SCNN1D: variants seen among roughly 807,000 people sequenced by gnomAD.
SCNN1D encodes sodium channel epithelial 1 subunit delta, also known as epithelial sodium channel subunit delta.
Under a neutral mutation model 87.8 loss-of-function variants are expected in SCNN1D, and 104 were observed. The ratio of observed to expected loss-of-function variants is 1.18; its 90% CI spans 1.01 to 1.39. SCNN1D has a LOEUF of 1.39. Ranked by LOEUF, SCNN1D falls within the 40% of genes most tolerant of loss-of-function variation. The pLI is 0.00. For synonymous variants in SCNN1D, 628 were observed against 481.2 expected (o/e 1.31, Z -3.99); for missense variants, 1,324 against 1,093.9 (o/e 1.21, Z -2.97).
chr1:1,285,134 C>T (rs1000953323), intron 5 of SCNN1D, among the ~76,000 whole-genome samples: 19 of 152,198 alleles, frequency 1.2e-4, no homozygotes, highest in Non-Finnish European at 1.6e-4. Flanking sequence ...GGCCCACACA[C>T]CCGAGGGGAG....
intron 15 of SCNN1D, 46 bp downstream of exon 15, chr1:1,290,740 A>C (rs1570614338): frequency 6.2e-7 from 1 of 1,606,906 alleles, no homozygotes. Context: ...AGCCAGGCAG[A>C]CCCCACAGGT....
At chr1:1,288,446 T>C (rs867793976) in intron 12 of SCNN1D, among the ~76,000 whole-genome samples, 18 of 50,000 alleles carry the variant, frequency 3.6e-4, no homozygotes, top group South Asian at 8.6e-4. Context: ...GTCCCGTGTC[T>C]CTGCTCCGTC....
At position 1,290,581 on chromosome 1, in the gene SCNN1D, G is replaced by A. The variant is rs1425502603; in HGVS notation, c.1859+26G>A. On this transcript the variant is annotated intron_variant, in intron 14 of 17. Coordinates refer to ENST00000379116, the MANE Select transcript of SCNN1D (RefSeq NM_001130413.4). ...GTGAGACGGGGGTGTTGGGGTCGCGGCCAGGGATCATTGCCCCAGGTAGCG... is the reference window on the plus strand; with the variant it reads ...GTGAGACGGGGGTGTTGGGGTCGCGACCAGGGATCATTGCCCCAGGTAGCG... 9 of 1,612,572 alleles carry A rather than the reference G, an allele frequency of 5.6e-6. 1 individual carries two copies. The South Asian group carries it at 8.8e-5, about 16-fold the overall frequency.
chr1:1,288,251 T>TCCCGTGTCTCTGCC (rs1640662190), intron 12 of SCNN1D, among the ~76,000 whole-genome samples: 1 of 107,204 alleles, frequency 9.3e-6, no homozygotes, highest in African/African-American at 4.4e-5. Context: ...GTGTCTCTGC[T>TCCCGTGTCTCTGCC]CCGTCCCGTG....
In SCNN1D at chr1:1,286,953, G is replaced by A. The variant is rs145306516; in HGVS notation, c.1097G>A (p.Arg366Gln). The A allele has an allele frequency of 6.8e-4, 1,099 of 1,612,246 alleles. No homozygotes were observed. Among genetic ancestry groups the A allele is most frequent in the Non-Finnish European group, 8.5e-4 (1,006 of 1,179,722 alleles). The change falls in exon 8 of 18, where the codon CGG becomes CAG. Residue 366 changes from arginine (R) to glutamine (Q), a missense_variant. Coordinates refer to ENST00000379116, the MANE Select transcript of SCNN1D (RefSeq NM_001130413.4). ...RLQRLSHSGS[R>Q]VRVGFRLCNS... ...CAGAGGCTGAGCCACTCGGGCAGCC[G>A]GGTCAGAGTGGGGTTCAGACTGGTG...
intron 15 of SCNN1D, 46 bp from the exon 16 acceptor site, chr1:1,290,849 C>CG: frequency 6.2e-7 from 1 of 1,601,940 alleles, no homozygotes. Context: ...CCAGGATGGC[C>CG]GGGGGCATGG....
Position 1,280,470 on chromosome 1 carries a change from A to T in SCNN1D, c.-192A>T, listed in dbSNP as rs1469220223. ...CAGCGAGACTCCATCTCAATAAATA[A>T]AAAAAAAAAAGAGTTGTTATCAGTA... On this transcript the variant is annotated 5_prime_UTR_variant, in exon 1 of 18. Coordinates refer to ENST00000379116, the MANE Select transcript of SCNN1D (RefSeq NM_001130413.4). 3.7e-4 allele frequency: 160 copies of T among 432,434 alleles called. No individual in the cohort carries two copies. Among genetic ancestry groups the T allele is most frequent in the Admixed American group, 6.7e-4 (18 of 26,692 alleles). The allele number at this position is 432,434 out of a possible 1,614,324, so 26.8% of individuals were successfully genotyped here.
Position 1,286,751 on chromosome 1 carries a change from A to G in SCNN1D, c.912-17A>G, listed in dbSNP as rs2100326630. 2 of 1,610,528 alleles carry G rather than the reference A, an allele frequency of 1.2e-6. No individual in the cohort carries two copies. Among genetic ancestry groups the G allele is most frequent in the South Asian group, 1.1e-5 (1 of 90,816 alleles). ...GCCCCGGGCCGGCAACTCTGACTCC[A>G]GGGCCCTGCGTCCCAGGCCGAGTCC... On this transcript the variant is annotated splice_polypyrimidine_tract_variant and intron_variant, in intron 7 of 17. Transcript: ENST00000379116.
chr1:1,280,720 G>T (rs1272122932), intron 1 of SCNN1D, 54 bp downstream of exon 1: 1 of 699,170 alleles, frequency 1.4e-6, no homozygotes, highest in Non-Finnish European at 2.6e-6. Context: ...GGTTAACTTT[G>T]GAATGCCCAT....
chr1:1,290,191 C>CTGCTCCGTCCCATGTCT, intron 12 of SCNN1D, 80 bp from the exon 13 acceptor site: 1 of 514,644 alleles, frequency 1.9e-6, no homozygotes. Flanking sequence ...GTCCCGTGTC[C>CTGCTCCGTCCCATGTCT]CTGCTCCGTC....
chr1:1,281,218 A>T lies in SCNN1D; in HGVS notation c.6-8A>T. On this transcript the variant is annotated splice_region_variant and splice_polypyrimidine_tract_variant and intron_variant, in intron 1 of 17. Transcript: ENST00000379116. The stretch of plus-strand genomic sequence containing the variant: ...GTCCCACAGATGCCAGGCGCCTGCC[A>T]TCTCCAGGGCAGTGCTGTCACAGAA... 6.5e-7 allele frequency: 1 copy of T among 1,534,992 alleles called. No homozygotes were observed. The highest frequency in any genetic ancestry group is 8.7e-7 in the Non-Finnish European group (1 of 1,146,732).
chr1:1,288,351 G>A (rs1196069614), intron 12 of SCNN1D, among the ~76,000 whole-genome samples: 5 of 58,368 alleles, frequency 8.6e-5, no homozygotes, highest in African/African-American at 1.6e-4. Context: ...CCCGTCCCCC[G>A]TGTCTCTGCT....
Position 1,280,574 on chromosome 1 carries a change from CAG to C in SCNN1D, c.-82_-81del. 2.9e-6 allele frequency: 2 copies of C among 678,624 alleles called. No homozygotes were observed. The highest frequency in any genetic ancestry group is 2.7e-5 in the East Asian group (1 of 36,602). The allele number at this position is 678,624 out of a possible 1,614,324, so 42.0% of individuals were successfully genotyped here. ...GATGAAGCCACCAGGTCACAAGCCTCAGAGAGAATCAACTATAAATGCTTCTC... is the reference window on the plus strand; with the variant it reads ...GATGAAGCCACCAGGTCACAAGCCTCAGAGAATCAACTATAAATGCTTCTC... On this transcript the variant is annotated 5_prime_UTR_variant, in exon 1 of 18. An upstream open reading frame in the 5' UTR loses its in-frame stop. Coordinates refer to ENST00000379116, the MANE Select transcript of SCNN1D (RefSeq NM_001130413.4).
intron 12 of SCNN1D, among the ~76,000 whole-genome samples, chr1:1,288,292 G>A (rs1282640538): frequency 4.2e-5 from 3 of 71,876 alleles, no homozygotes; most frequent in Non-Finnish European, 6.1e-5. Flanking sequence ...TCTCTGCTCC[G>A]TCCCGTGTCT....
chr1:1,287,430 C>G (rs953493278), intron 9 of SCNN1D, 78 bp from the exon 10 acceptor site: 7 of 1,487,090 alleles, frequency 4.7e-6, no homozygotes, highest in Non-Finnish European at 6.3e-6. Flanking sequence ...AGACACAGGG[C>G]AGGCCATGGC....
chr1:1,282,066 T>C (rs1003226428), intron 3 of SCNN1D, 176 bp from the exon 4 acceptor site: 114 of 613,860 alleles, frequency 1.9e-4, no homozygotes, highest in Admixed American at 3.8e-4. Flanking sequence ...CCCAGGCCTG[T>C]GCTGTGTCCG....
chr1:1,290,855 C>T (rs1227699154), intron 15 of SCNN1D, 40 bp from the exon 16 acceptor site: 1 of 1,603,624 alleles, frequency 6.2e-7, no homozygotes, highest in Non-Finnish European at 8.5e-7. Context: ...TGGCCGGGGG[C>T]ATGGGGGAGC....
chr1:1,291,264 T>G lies in SCNN1D; in HGVS notation c.2063T>G (p.Leu688Arg). The change falls in exon 18 of 18, where the codon CTG (leucine) becomes CGG (arginine). Residue 688 changes from leucine to arginine, a missense_variant. By Grantham distance (102) the Leu-to-Arg change is moderately radical (BLOSUM62 -2). Coordinates refer to ENST00000379116, the MANE Select transcript of SCNN1D (RefSeq NM_001130413.4). ...EEAPVYSVPQLLSAMGSLCSL... is the reference protein window; with the variant it reads ...EEAPVYSVPQRLSAMGSLCSL... Reference sequence around the variant, plus strand: ...GCACCCCACCCGCAGGTGCCGCAGCTGCTCTCGGCCATGGGCAGCCTCTGC... The same window carrying G: ...GCACCCCACCCGCAGGTGCCGCAGCGGCTCTCGGCCATGGGCAGCCTCTGC... 1 of 1,560,672 alleles carries G rather than the reference T, an allele frequency of 6.4e-7. No homozygotes were observed. Among genetic ancestry groups the G allele is most frequent in the Non-Finnish European group, 8.7e-7 (1 of 1,154,418 alleles).
rs1312093774 is a variant in SCNN1D at position 1,287,924 on chromosome 1, A to G, written c.1564-15A>G. The G allele has an allele frequency of 6.5e-7, 1 of 1,535,716 alleles. No homozygotes were observed. The highest frequency in any genetic ancestry group is 2.0e-5 in the Admixed American group (1 of 50,098). On this transcript the variant is annotated splice_polypyrimidine_tract_variant and intron_variant, in intron 11 of 17. Coordinates refer to ENST00000379116, the MANE Select transcript of SCNN1D (RefSeq NM_001130413.4). ...GTGAGGGCAGGGCCCATGGAACTGA[A>G]GCGTCCCCTCCCAGGACGAGGTGCA... is the stretch of plus-strand genomic sequence containing the variant.
Sources: allele counts gnomAD v4.1 joint callset (sites outside exome capture counted in the v4.1 genomes callset), GRCh38; gene constraint gnomAD v4.1.1; transcripts MANE v1.5; gene names NCBI Gene and HGNC (gene_info 2026-07-23, HGNC 2026-07-21).